The following COLEC11 variants were observed in gnomAD, a reference collection of about 807,000 sequenced individuals.
COLEC11 encodes the protein collectin subfamily member 11.
Under a neutral mutation model 27.3 loss-of-function variants are expected in COLEC11, and 20 were observed. The ratio of observed to expected loss-of-function variants is 0.73; its 90% CI spans 0.51 to 1.06. The LOEUF is 1.06. Ranked by LOEUF, COLEC11 falls within the 50% of genes least tolerant of loss-of-function variation. The pLI is 0.00. For missense variants in COLEC11, 310 were observed against 383.0 expected, an observed-to-expected ratio of 0.81 and a Z score of 1.59; for synonymous variants, 163 against 154.7, an observed-to-expected ratio of 1.05 and a Z score of -0.40.
rs1661873770 is a variant in COLEC11, at chr2:3,596,904, T to C, written c.-27+1736T>C. ...GACTCCTTCGGGCGCCTGGGTGCCC[T>C]CACCCTGTGCCTACCTGCCCTGGTT... On this transcript the variant is annotated intron_variant, in intron 1 of 6. Transcript: ENST00000349077. Among the ~76,000 whole-genome samples the C allele has an allele frequency of 2.0e-5, 3 of 152,234 alleles. No homozygotes were observed. In the South Asian group the frequency reaches 6.2e-4, roughly 31 times the overall value.
rs146743136 is a variant in COLEC11 at position 3,641,896 on chromosome 2, G to T, written c.329-1548G>T. ...AGCCCACCCGCACACCGCAGCGATGGGGGTGGATGGTGAGGTGCTGGGCAG... is the reference window on the plus strand; with the variant it reads ...AGCCCACCCGCACACCGCAGCGATGTGGGTGGATGGTGAGGTGCTGGGCAG... On this transcript the variant is annotated intron_variant, in intron 5 of 6. Transcript: ENST00000349077. Among the ~76,000 whole-genome samples, 997 of 152,330 alleles carry T rather than the reference G, an allele frequency of 6.5e-3. 9 individuals are homozygous for T. Among genetic ancestry groups the T allele is most frequent in the African/African-American group, 0.023 (950 of 41,592 alleles).
At chr2:3,620,889 A>C (rs999306845) in intron 3 of COLEC11, among the ~76,000 whole-genome samples, 2 of 152,170 alleles carry the variant, frequency 1.3e-5, no homozygotes, top group African/African-American at 2.4e-5. Flanking sequence ...TTGTGGTTAG[A>C]AGAGACGCTT....
chr2:3,621,908 G>C (rs2147911042), intron 3 of COLEC11, among the ~76,000 whole-genome samples: 1 of 152,254 alleles, frequency 6.6e-6, no homozygotes, highest in South Asian at 2.1e-4. Flanking sequence ...GCCAGGTGCA[G>C]TGGCTCACAC....
At chr2:3,636,811 C>T (rs1475148822) in intron 3 of COLEC11, among the ~76,000 whole-genome samples, 3 of 152,128 alleles carry the variant, frequency 2.0e-5, no homozygotes, top group African/African-American at 7.2e-5. Flanking sequence ...CAGCGGCATT[C>T]TTCAGGCTTG....
intron 1 of COLEC11, among the ~76,000 whole-genome samples, chr2:3,599,405 G>C (rs552099851): frequency 6.6e-6 from 1 of 152,190 alleles, no homozygotes; most frequent in Non-Finnish European, 1.5e-5. Flanking sequence ...GGCACTGTGC[G>C]GGGGACAGGC....
intron 2 of COLEC11, chr2:3,606,219 G>A (rs998407012): frequency 1.3e-6 from 2 of 1,550,376 alleles, no homozygotes; most frequent in Non-Finnish European, 1.7e-6. Context: ...GAGTCCCTAC[G>A]GTTGTCTTCC....
chr2:3,643,864 C>G lies in COLEC11; in HGVS notation c.562C>G (p.Leu188Val). 6.2e-7 allele frequency: 1 copy of G among 1,613,764 alleles called. No individual in the cohort carries two copies. Among genetic ancestry groups the G allele is most frequent in the African/African-American group, 1.3e-5 (1 of 75,076 alleles). Reference protein sequence around the residue: ...SMPKDEAANGLMAAYLAQAGL... With the variant: ...SMPKDEAANGVMAAYLAQAGL... ...GCCCAAGGACGAGGCTGCCAATGGC[C>G]TGATGGCCGCATACCTGGCGCAAGC... Residue 188 changes from leucine (L) to valine (V), a missense_variant, in exon 7 of 7, where the codon CTG becomes GTG. Coordinates refer to ENST00000349077, the MANE Select transcript of COLEC11 (RefSeq NM_024027.5).
chr2:3,640,420 C>T, intron 5 of COLEC11, 89 bp downstream of exon 5: 1 of 754,520 alleles, frequency 1.3e-6, no homozygotes, highest in Non-Finnish European at 2.3e-6. Context: ...ATGTAGATCC[C>T]ACAGTGGACA....
chr2:3,616,941 T>C (rs1347915361), intron 3 of COLEC11, among the ~76,000 whole-genome samples: 1 of 152,232 alleles, frequency 6.6e-6, no homozygotes, highest in Non-Finnish European at 1.5e-5. Flanking sequence ...CCGTTATATA[T>C]GTGCCATGTT....
At chr2:3,638,448 G>A (rs765479392) in intron 4 of COLEC11, among the ~76,000 whole-genome samples, 48 of 152,214 alleles carry the variant, frequency 3.2e-4, no homozygotes, top group Non-Finnish European at 6.2e-4. Flanking sequence ...GAGCACTGGC[G>A]GTGGAGGGAG....
intron 1 of COLEC11, among the ~76,000 whole-genome samples, chr2:3,599,178 C>T (rs1014057253): frequency 6.6e-6 from 1 of 152,158 alleles, no homozygotes; most frequent in Non-Finnish European, 1.5e-5. Flanking sequence ...GTGACGAGTG[C>T]GTGATGGTGC....
chr2:3,612,239 C>T lies in COLEC11; in HGVS notation c.131-1072C>T, dbSNP rs145539751. ...GGACACACGCACACACATGCACCCA[C>T]GCACCCACGCACACGCATGCACACA... On this transcript the variant is annotated intron_variant, in intron 2 of 6. Transcript: ENST00000349077. 1.9e-3 allele frequency among the ~76,000 whole-genome samples: 282 copies of T among 151,640 alleles called. 1 individual carries two copies. The highest frequency in any genetic ancestry group is 3.4e-3 in the Non-Finnish European group (234 of 68,002).
intron 3 of COLEC11, chr2:3,617,827 C>G (rs1423826084): frequency 6.0e-6 from 4 of 666,158 alleles, no homozygotes; most frequent in Non-Finnish European, 1.1e-5. Flanking sequence ...TAAGGGCTCG[C>G]CTTTCTCCAC....
At position 3,640,338 on chromosome 2, in the gene COLEC11, C is replaced by T; in HGVS notation, c.328+7C>T. 1 of 1,509,608 alleles carries T rather than the reference C, an allele frequency of 6.6e-7. No homozygotes were observed. The highest frequency in any genetic ancestry group is 9.2e-7 in the Non-Finnish European group (1 of 1,085,000). The allele number at this position is 1,509,608 out of a possible 1,614,324, so 93.5% of individuals were successfully genotyped here. A position where few individuals can be genotyped will look rare whatever the true frequency, so the allele number is the denominator to read the frequency against. On this transcript the variant is annotated splice_region_variant and intron_variant, in intron 5 of 6. Coordinates refer to ENST00000349077, the MANE Select transcript of COLEC11 (RefSeq NM_024027.5). ...GGTCCTAATGGAGAACCAGGTATGG[C>T]ATAAAGGGTCCAAGGATTTTTAATA... is the stretch of plus-strand genomic sequence containing the variant.
chr2:3,629,616 ATT>A (rs1415023247), intron 3 of COLEC11, among the ~76,000 whole-genome samples: 1 of 152,152 alleles, frequency 6.6e-6, no homozygotes, highest in Non-Finnish European at 1.5e-5. Context: ...GCATATGAGC[ATT>A]TGTGTGTATG....
intron 3 of COLEC11, among the ~76,000 whole-genome samples, chr2:3,626,289 G>C (rs761904298): frequency 4.6e-5 from 7 of 152,268 alleles, no homozygotes; most frequent in South Asian, 2.1e-4. Context: ...GCAGTGCAGA[G>C]ACCACAGACG....
Position 3,611,285 on chromosome 2 carries a change from T to C in COLEC11, c.131-2026T>C, listed in dbSNP as rs1017343597. 2.0e-5 allele frequency among the ~76,000 whole-genome samples: 3 copies of C among 152,366 alleles called. No homozygotes were observed. In the Middle Eastern group the frequency reaches 0.01, roughly 518 times the overall value. Reference sequence around the variant, plus strand: ...CCGCTGGCTCCACGAGGCCTCTTCATCCTGGGTCACCGGGGACTCGCCTTT... The same window carrying C: ...CCGCTGGCTCCACGAGGCCTCTTCACCCTGGGTCACCGGGGACTCGCCTTT... On this transcript the variant is annotated intron_variant, in intron 2 of 6. Transcript: ENST00000349077.
At chr2:3,629,197 A>G (rs1348155737) in intron 3 of COLEC11, among the ~76,000 whole-genome samples, 2 of 152,254 alleles carry the variant, frequency 1.3e-5, no homozygotes, top group Non-Finnish European at 1.5e-5. Flanking sequence ...TCAAGTTGAA[A>G]TAAGTCAGCT....
intron 4 of COLEC11, among the ~76,000 whole-genome samples, chr2:3,637,961 G>C (rs1665554287): frequency 6.6e-6 from 1 of 152,212 alleles, no homozygotes; most frequent in Non-Finnish European, 1.5e-5. Flanking sequence ...GACGCACCCT[G>C]CTCTGGAGGC....
Sources: gnomAD v4.1 joint callset for allele counts (sites outside exome capture counted in the v4.1 genomes callset) on GRCh38, gnomAD v4.1.1 for gene constraint, MANE v1.5 for transcripts, NCBI Gene and HGNC (gene_info 2026-07-23, HGNC 2026-07-21) for gene names.